SLC35F4: variants seen among roughly 807,000 people sequenced by gnomAD.
SLC35F4 encodes the protein solute carrier family 35 member F4, also known as chromosome 14 open reading frame 36.
In SLC35F4, 24 loss-of-function variants were observed where a neutral mutation model predicts 44.2. The observed-to-expected ratio is 0.54, with a 90% confidence interval of 0.39 to 0.76. SLC35F4 has a LOEUF of 0.76. SLC35F4 is among the 30% of genes least tolerant of loss of function. The probability of loss-of-function intolerance (pLI) is 0.00; values close to 1 mark genes in which losing one functional copy is unlikely to be tolerated. For synonymous variants in SLC35F4, 238 were observed against 223.6 expected (o/e 1.06, Z -0.57); for missense variants, 562 against 586.1 (o/e 0.96, Z 0.42).
chr14:57,685,164 A>G (rs2075031434), intron 1 of SLC35F4, among the ~76,000 whole-genome samples: 1 of 152,180 alleles, frequency 6.6e-6, no homozygotes, highest in Non-Finnish European at 1.5e-5. Context: ...TCTTTAGTGC[A>G]GATAAGGGTA....
At position 57,911,295 on chromosome 14, in the gene SLC35F4, G is replaced by T. The variant is rs538141843; in HGVS notation, n.282+70618C>A. 2.6e-5 allele frequency among the ~76,000 whole-genome samples: 4 copies of T among 151,542 alleles called. No individual in the cohort carries two copies. In the South Asian group the frequency reaches 6.2e-4, roughly 24 times the overall value. On this transcript the variant is annotated intron_variant and non_coding_transcript_variant, in intron 1 of 1. Coordinates refer to the SLC35F4 transcript ENST00000556568. ...CTTGATTTCCTTTACTTGCCTTATTGCATTAGCCAGAACTTCTAGTATGAT... is the reference window on the plus strand; with the variant it reads ...CTTGATTTCCTTTACTTGCCTTATTTCATTAGCCAGAACTTCTAGTATGAT...
At chr14:57,700,552 A>G (rs976756474) in intron 1 of SLC35F4, among the ~76,000 whole-genome samples, 2 of 152,190 alleles carry the variant, frequency 1.3e-5, no homozygotes, top group Non-Finnish European at 2.9e-5. Flanking sequence ...TTAAATTAAA[A>G]AATTTTTGAC....
intron 1 of SLC35F4, among the ~76,000 whole-genome samples, chr14:57,914,480 G>A (rs1002262037): frequency 1.3e-5 from 2 of 151,870 alleles, no homozygotes; most frequent in South Asian, 2.1e-4. Context: ...GGAGAATGGC[G>A]TGAACCCAGG....
chr14:57,968,329 TAGAC>T (rs919358930), intron 1 of SLC35F4, among the ~76,000 whole-genome samples: 7 of 152,244 alleles, frequency 4.6e-5, no homozygotes, highest in African/African-American at 1.4e-4. Context: ...TTTTTAAACA[TAGAC>T]AGTCTGGACT....
At chr14:57,936,402 A>C (rs778677285) in intron 1 of SLC35F4, among the ~76,000 whole-genome samples, 15 of 151,530 alleles carry the variant, frequency 9.9e-5, no homozygotes, top group Non-Finnish European at 1.9e-4. Flanking sequence ...GTGTCCCAGA[A>C]AATAACTCCC....
chr14:57,667,552 T>G (rs2074357633), intron 1 of SLC35F4, among the ~76,000 whole-genome samples: 1 of 149,996 alleles, frequency 6.7e-6, no homozygotes, highest in African/African-American at 2.5e-5. Flanking sequence ...TTCTCAATGT[T>G]CAATTCCTAC....
chr14:57,831,920 G>A (rs548267223), intron 1 of SLC35F4, among the ~76,000 whole-genome samples: 1 of 152,288 alleles, frequency 6.6e-6, no homozygotes, highest in African/African-American at 2.4e-5. Context: ...CTAATCATAA[G>A]TGTATATCCG....
At chr14:57,782,825 C>T (rs981970551) in intron 1 of SLC35F4, among the ~76,000 whole-genome samples, 3 of 152,122 alleles carry the variant, frequency 2.0e-5, no homozygotes, top group Admixed American at 1.3e-4. Context: ...ATATAAAGTG[C>T]CACTAGTGAT....
Position 57,581,384 on chromosome 14 carries a change from GAA to G in SLC35F4, c.635_636del (p.Phe212SerfsTer2). 1 of 1,613,050 alleles carries G rather than the reference GAA, an allele frequency of 6.2e-7. No homozygotes were observed. The highest frequency in any genetic ancestry group is 8.5e-7 in the Non-Finnish European group (1 of 1,179,508). ...ATAGAAAAGGGAGCAGTTCTTTTAA[GAA>G]AGAGTTTCAGCGTCAGACCATCTTC... ...FGEDGLTLKL[F>X]LKRTAPFSIL... On this transcript the variant is annotated frameshift_variant, in exon 4 of 8. Transcript: ENST00000556826. LOFTEE classifies it high-confidence loss of function.
At chr14:57,651,065 C>T (rs1488582797) in intron 1 of SLC35F4, among the ~76,000 whole-genome samples, 1 of 152,128 alleles carries the variant, frequency 6.6e-6, no homozygotes, top group Non-Finnish European at 1.5e-5. Context: ...ATGTCACAAT[C>T]CCAAACCATT....
intron 1 of SLC35F4, among the ~76,000 whole-genome samples, chr14:57,685,112 A>G (rs1407155111): frequency 2.0e-5 from 3 of 152,212 alleles, no homozygotes; most frequent in Non-Finnish European, 4.4e-5. Flanking sequence ...TCAATGCCAG[A>G]AGAAGCAGAT....
At chr14:57,603,199 T>C (rs926823316) in intron 1 of SLC35F4, among the ~76,000 whole-genome samples, 5 of 152,230 alleles carry the variant, frequency 3.3e-5, no homozygotes, top group African/African-American at 4.8e-5. Flanking sequence ...TACCACAAAA[T>C]TGCATTAAAG....
intron 1 of SLC35F4, among the ~76,000 whole-genome samples, chr14:57,633,110 C>T (rs540938358): frequency 6.6e-6 from 1 of 152,252 alleles, no homozygotes; most frequent in African/African-American, 2.4e-5. Context: ...GCATGTACCA[C>T]AGTTTATTTA....
intron 1 of SLC35F4, among the ~76,000 whole-genome samples, chr14:57,829,866 G>A (rs1282330244): frequency 6.6e-6 from 1 of 152,166 alleles, no homozygotes; most frequent in Non-Finnish European, 1.5e-5. Context: ...AGATAGGGGA[G>A]TTGAATTGTA....
intron 3 of SLC35F4, among the ~76,000 whole-genome samples, chr14:57,584,731 C>T (rs1026691055): frequency 5.3e-5 from 8 of 152,012 alleles, no homozygotes; most frequent in Non-Finnish European, 7.4e-5. Flanking sequence ...CCCAAAACAA[C>T]ACTTCTGCTA....
downstream of SLC35F4, among the ~76,000 whole-genome samples, chr14:57,974,475 T>C (rs1881152080): frequency 3.3e-5 from 5 of 152,334 alleles, no homozygotes; most frequent in South Asian, 1.0e-3. Context: ...AATTAACCTG[T>C]GGCCCTCTTT....
At chr14:57,653,925 A>G (rs1415825926) in intron 1 of SLC35F4, among the ~76,000 whole-genome samples, 1 of 152,172 alleles carries the variant, frequency 6.6e-6, no homozygotes, top group Non-Finnish European at 1.5e-5. Flanking sequence ...GCTGTGAGGA[A>G]GAATCTATTC....
At chr14:57,667,590 T>A (rs941271495) in intron 1 of SLC35F4, among the ~76,000 whole-genome samples, 8 of 151,288 alleles carry the variant, frequency 5.3e-5, no homozygotes, top group Non-Finnish European at 7.4e-5. Flanking sequence ...CAGTGTTTGG[T>A]TTTTTGTCCT....
At chr14:57,823,689 A>G (rs1883422335) in intron 1 of SLC35F4, among the ~76,000 whole-genome samples, 1 of 152,188 alleles carries the variant, frequency 6.6e-6, no homozygotes, top group Non-Finnish European at 1.5e-5. Flanking sequence ...CACTACATCT[A>G]TTCTGGTCTT....
Sources: allele counts gnomAD v4.1 joint callset (sites outside exome capture counted in the v4.1 genomes callset), GRCh38; gene constraint gnomAD v4.1.1; transcripts MANE v1.5; gene names NCBI Gene and HGNC (gene_info 2026-07-23, HGNC 2026-07-21).